The following PHACTR2 variants were observed in gnomAD, a reference collection of about 807,000 sequenced individuals.
PHACTR2 encodes phosphatase and actin regulator 2, also known as chromosome 6 open reading frame 56.
In PHACTR2, 30 loss-of-function variants were observed where a neutral mutation model predicts 76.0. The ratio of observed to expected loss-of-function variants is 0.39; its 90% confidence interval spans 0.30 to 0.54. The LOEUF is 0.54. PHACTR2 is among the 20% of genes least tolerant of loss of function. The pLI, the probability that PHACTR2 is intolerant of heterozygous loss-of-function variation, is 0.61. For missense variants in PHACTR2, 696 were observed against 781.1 expected, an observed-to-expected ratio of 0.89 and a Z score of 1.30; for synonymous variants, 292 against 292.5, an observed-to-expected ratio of 1.00 and a Z score of 0.02.
At chr6:143,682,416 T>G (rs1777412069) in intron 1 of PHACTR2, among the ~76,000 whole-genome samples, 1 of 152,132 alleles carries the variant, frequency 6.6e-6, no homozygotes, top group African/African-American at 2.4e-5. Flanking sequence ...GGGTTTTCTG[T>G]GTTGCCCAGG....
rs1201481252 is a variant in PHACTR2, at chr6:143,801,312, T to TC, written c.1846-5741dup. 6.6e-6 allele frequency among the ~76,000 whole-genome samples: 1 copy of TC among 152,212 alleles called. No individual in the cohort carries two copies. The highest frequency in any genetic ancestry group is 1.5e-5 in the Non-Finnish European group (1 of 68,044). On this transcript the variant is annotated intron_variant, in intron 11 of 12. Coordinates refer to ENST00000440869, the MANE Select transcript of PHACTR2 (RefSeq NM_001100164.2). This position sits in a 1 kb window ranked among gnomAD's most constrained non-coding sequence, Gnocchi z 4.6. ...AGTGTTTTTCAACTTGGTTCTATTC[T>TC]CCCCATCACTTTCAGGTACACCAAT...
intron 1 of PHACTR2, among the ~76,000 whole-genome samples, chr6:143,609,259 T>G (rs541896949): frequency 9.2e-5 from 14 of 152,346 alleles, no homozygotes; most frequent in African/African-American, 3.4e-4. Flanking sequence ...GCTAGTTCAG[T>G]CCTCGGCACA....
rs186246331 is a variant in PHACTR2, at chr6:143,616,137, A to G, written c.13+7815A>G. On this transcript the variant is annotated intron_variant, in intron 1 of 11. Transcript: ENST00000305766. The surrounding 1 kb of genome is among the most constrained non-coding windows in gnomAD (Gnocchi z 4.9). ...TATAGGTAGCTCTTTTATTATTTTT[A>G]TAGATAATTCCCAACATCCAGCTAT... is the stretch of plus-strand genomic sequence containing the variant. 4.6e-5 allele frequency among the ~76,000 whole-genome samples: 7 copies of G among 152,266 alleles called. No individual in the cohort carries two copies. The highest frequency in any genetic ancestry group is 4.6e-4 in the Admixed American group (7 of 15,302).
Position 143,646,198 on chromosome 6 carries a change from A to G in PHACTR2, c.13+37876A>G, listed in dbSNP as rs1015006271. 9.2e-5 allele frequency among the ~76,000 whole-genome samples: 14 copies of G among 152,190 alleles called. No homozygotes were observed. The highest frequency in any genetic ancestry group is 7.2e-4 in the Admixed American group (11 of 15,274). ...ACAAGAGAGGTATAAATTAGGCTCA[A>G]ATGGGGCCCACAAAGAGCCCCAAAT... On this transcript the variant is annotated intron_variant, in intron 1 of 11. Transcript: ENST00000305766. This position sits in a 1 kb window ranked among gnomAD's most constrained non-coding sequence, Gnocchi z 4.1.
intron 2 of PHACTR2, among the ~76,000 whole-genome samples, chr6:143,717,780 C>A (rs571830170): frequency 1.3e-5 from 2 of 152,072 alleles, no homozygotes; most frequent in African/African-American, 4.8e-5. Context: ...ACTGTGTTGC[C>A]GGGCTGTTCT....
At position 143,562,001 on chromosome 6, in the gene PHACTR2, T is replaced by G. The variant is rs1015009657; in HGVS notation, c.217+24794T>G. ...GAGTGGTTCCTTTGCTTGGAGGGCCTCCTGTCTCTTCTTCATCTGACGCAG... is the reference window on the plus strand; with the variant it reads ...GAGTGGTTCCTTTGCTTGGAGGGCCGCCTGTCTCTTCTTCATCTGACGCAG... On this transcript the variant is annotated intron_variant, in intron 1 of 11. Coordinates refer to the PHACTR2 transcript ENST00000367584. The surrounding 1 kb of genome is among the most constrained non-coding windows in gnomAD (Gnocchi z 5.1). The G allele has an allele frequency of 7.2e-5, 11 of 152,216 alleles. No individual in the cohort carries two copies. Among genetic ancestry groups the G allele is most frequent in the Admixed American group, 6.5e-4 (10 of 15,274 alleles). 9.4% of individuals were successfully genotyped at this position (152,216 alleles called of 1,614,324 possible).
In PHACTR2 at chr6:143,654,447, T is replaced by C. The variant is rs1776814168; in HGVS notation, c.13+46125T>C. ...AAAGTGGAAACAACCCAAATGTTCA[T>C]CAAACTGATGAATTCGTAAATAAAA... is the stretch of plus-strand genomic sequence containing the variant. On this transcript the variant is annotated intron_variant, in intron 1 of 11. Transcript: ENST00000305766. This position sits in a 1 kb window ranked among gnomAD's most constrained non-coding sequence, Gnocchi z 4.6. 1.3e-5 allele frequency among the ~76,000 whole-genome samples: 2 copies of C among 152,094 alleles called. No individual in the cohort carries two copies. Among genetic ancestry groups the C allele is most frequent in the Non-Finnish European group, 2.9e-5 (2 of 68,022 alleles).
Position 143,617,148 on chromosome 6 carries a change from G to A in PHACTR2, c.13+8826G>A, listed in dbSNP as rs1582703583. On this transcript the variant is annotated intron_variant, in intron 1 of 11. Transcript: ENST00000305766. This position sits in a 1 kb window ranked among gnomAD's most constrained non-coding sequence, Gnocchi z 4.8. Reference sequence around the variant, plus strand: ...CTCTTGATGGAGGTGGTGGCAGTGGGGAAGGGGAGAGGAAACTTACTTCAA... The same window carrying A: ...CTCTTGATGGAGGTGGTGGCAGTGGAGAAGGGGAGAGGAAACTTACTTCAA... Among the ~76,000 whole-genome samples the A allele has an allele frequency of 6.6e-6, 1 of 152,178 alleles. No individual in the cohort carries two copies. Among genetic ancestry groups the A allele is most frequent in the Non-Finnish European group, 1.5e-5 (1 of 68,026 alleles).
chr6:143,617,998 T>C lies in PHACTR2; in HGVS notation c.13+9676T>C, dbSNP rs1776084295. ...TGGCAAAAACTATTTCTAAAGAGACTACATGTGAAATTTAACTAAAAAGAG... is the reference window on the plus strand; with the variant it reads ...TGGCAAAAACTATTTCTAAAGAGACCACATGTGAAATTTAACTAAAAAGAG... On this transcript the variant is annotated intron_variant, in intron 1 of 11. Transcript: ENST00000305766. This position sits in a 1 kb window ranked among gnomAD's most constrained non-coding sequence, Gnocchi z 4.8. Among the ~76,000 whole-genome samples the C allele has an allele frequency of 6.6e-6, 1 of 152,186 alleles. No individual in the cohort carries two copies.
Position 143,708,787 on chromosome 6 carries a change from G to A in PHACTR2, c.47-3229G>A, listed in dbSNP as rs868022374. Among the ~76,000 whole-genome samples the A allele has an allele frequency of 6.6e-6, 1 of 152,188 alleles. No individual in the cohort carries two copies. The highest frequency in any genetic ancestry group is 2.1e-4 in the South Asian group (1 of 4,830). On this transcript the variant is annotated intron_variant, in intron 1 of 12. Transcript: ENST00000440869. The surrounding 1 kb of genome is among the most constrained non-coding windows in gnomAD (Gnocchi z 5.5). ...CATATGGTTTCTAATTGCAAATATG[G>A]TCTATGATAGGGGAAAAATAGGCTG... is the stretch of plus-strand genomic sequence containing the variant.
intron 1 of PHACTR2, among the ~76,000 whole-genome samples, chr6:143,634,098 T>G (rs12196002): frequency 2.0e-5 from 3 of 152,022 alleles, no homozygotes; most frequent in Non-Finnish European, 2.9e-5. Flanking sequence ...ATGTAGAAAA[T>G]GGCCTAGAAA....
chr6:143,797,537 T>C (rs113860806), intron 11 of PHACTR2, among the ~76,000 whole-genome samples: 1 of 152,246 alleles, frequency 6.6e-6, no homozygotes, highest in Admixed American at 6.5e-5. Context: ...AGGATTTTTA[T>C]GGTCCTAGGT....
In PHACTR2 at chr6:143,597,790, C is replaced by T. The variant is rs1344031074; in HGVS notation, c.217+60583C>T. Among the ~76,000 whole-genome samples, 1 of 152,238 alleles carries T rather than the reference C, an allele frequency of 6.6e-6. No individual in the cohort carries two copies. Among genetic ancestry groups the T allele is most frequent in the Non-Finnish European group, 1.5e-5 (1 of 68,038 alleles). ...TAGAGCTAGATTATTGGAAATCCTCCAGGTCCATTATATTGACATTCTTTT... is the reference window on the plus strand; with the variant it reads ...TAGAGCTAGATTATTGGAAATCCTCTAGGTCCATTATATTGACATTCTTTT... On this transcript the variant is annotated intron_variant, in intron 1 of 11. Transcript: ENST00000367584. This position sits in a 1 kb window ranked among gnomAD's most constrained non-coding sequence, Gnocchi z 5.7.
At chr6:143,703,933 A>G (rs998627435) in intron 1 of PHACTR2, among the ~76,000 whole-genome samples, 1 of 152,202 alleles carries the variant, frequency 6.6e-6, no homozygotes, top group African/African-American at 2.4e-5. Flanking sequence ...GGACATGACT[A>G]TAAATTTGTT....
chr6:143,749,692 T>C (rs1371908966), intron 3 of PHACTR2, among the ~76,000 whole-genome samples: 1 of 152,222 alleles, frequency 6.6e-6, no homozygotes, highest in Non-Finnish European at 1.5e-5. Context: ...TTCTCTTTTT[T>C]TCTCTATCCT....
In PHACTR2 at chr6:143,619,699, G is replaced by A. The variant is rs142590063; in HGVS notation, c.13+11377G>A. Among the ~76,000 whole-genome samples, 5 of 152,292 alleles carry A rather than the reference G, an allele frequency of 3.3e-5. No homozygotes were observed. Among genetic ancestry groups the A allele is most frequent in the African/African-American group, 1.2e-4 (5 of 41,544 alleles). Reference sequence around the variant, plus strand: ...ACTTGTCTTTAATTTACCACCTGCTGCATGCCTCTGCACTTCACATCCTGG... The same window carrying A: ...ACTTGTCTTTAATTTACCACCTGCTACATGCCTCTGCACTTCACATCCTGG... On this transcript the variant is annotated intron_variant, in intron 1 of 11. Coordinates refer to the PHACTR2 transcript ENST00000305766. This position sits in a 1 kb window ranked among gnomAD's most constrained non-coding sequence, Gnocchi z 4.5.
intron 1 of PHACTR2, among the ~76,000 whole-genome samples, chr6:143,566,825 A>G (rs781152785): frequency 6.7e-6 from 1 of 150,240 alleles, no homozygotes; most frequent in Non-Finnish European, 1.5e-5. Flanking sequence ...AAGAATAAGG[A>G]CTTTTCAAAA....
At position 143,619,177 on chromosome 6, in the gene PHACTR2, C is replaced by CATCG. The variant is rs1776109986; in HGVS notation, c.13+10858_13+10859insGATC. The stretch of plus-strand genomic sequence containing the variant: ...CTGTCTGTCTGTCCATCCATCCATC[C>CATCG]ATCTACCTGCATGCTTACCTACCTG... On this transcript the variant is annotated intron_variant, in intron 1 of 11. Transcript: ENST00000305766. The surrounding 1 kb of genome is among the most constrained non-coding windows in gnomAD (Gnocchi z 4.5). Among the ~76,000 whole-genome samples, 1 of 151,980 alleles carries CATCG rather than the reference C, an allele frequency of 6.6e-6. No individual in the cohort carries two copies. The highest frequency in any genetic ancestry group is 2.4e-5 in the African/African-American group (1 of 41,364).
At chr6:143,567,077 G>A (rs377636743) in intron 1 of PHACTR2, among the ~76,000 whole-genome samples, 8 of 152,010 alleles carry the variant, frequency 5.3e-5, no homozygotes, top group South Asian at 2.1e-4. Context: ...TCTACACGTC[G>A]CGCTCCTTTC....
Sources: gnomAD v4.1 joint callset for allele counts (sites outside exome capture counted in the v4.1 genomes callset) on GRCh38, gnomAD v4.1.1 for gene constraint, Gnocchi (gnomAD v3.1) non-coding constraint, MANE v1.5 for transcripts, NCBI Gene and HGNC (gene_info 2026-07-23, HGNC 2026-07-21) for gene names.